The following HIPK3 variants were observed in gnomAD, a reference collection of about 807,000 sequenced individuals.
HIPK3 encodes homeodomain-interacting protein kinase 3.
Under a neutral mutation model 124.2 loss-of-function variants are expected in HIPK3, and 47 were observed. The ratio of observed to expected loss-of-function variants is 0.38; its 90% confidence interval spans 0.30 to 0.48. The LOEUF (loss-of-function observed/expected upper bound fraction) is 0.48, where lower values mean the gene tolerates loss of function less well. Ranked by LOEUF, HIPK3 falls within the 20% of genes least tolerant of loss-of-function variation. HIPK3 has a pLI of 0.98. For missense variants in HIPK3, 1,286 were observed against 1,454.3 expected (o/e 0.88, Z 1.88); for synonymous variants, 482 against 515.2 (o/e 0.94, Z 0.87).
At chr11:33,320,462 A>G (rs774087189) in intron 2 of HIPK3, among the ~76,000 whole-genome samples, 2 of 152,192 alleles carry the variant, frequency 1.3e-5, no homozygotes, top group African/African-American at 2.4e-5. Flanking sequence ...GTGGAGTGAC[A>G]TGGTCTGATT....
chr11:33,271,736 C>G (rs1213587424), intron 1 of HIPK3, among the ~76,000 whole-genome samples: 3 of 152,166 alleles, frequency 2.0e-5, no homozygotes, highest in Non-Finnish European at 4.4e-5. Flanking sequence ...CTGTTAGTTA[C>G]ATATGCAACT....
At chr11:33,273,242 C>T (rs898250034) in intron 1 of HIPK3, among the ~76,000 whole-genome samples, 2 of 152,060 alleles carry the variant, frequency 1.3e-5, no homozygotes, top group South Asian at 2.1e-4. Flanking sequence ...CGGTGGCTTA[C>T]GCCTGTAATC....
chr11:33,340,429 A>AC (rs1853297903), intron 6 of HIPK3, among the ~76,000 whole-genome samples: 1 of 152,256 alleles, frequency 6.6e-6, no homozygotes, highest in South Asian at 2.1e-4. Flanking sequence ...GAAGGGAGTA[A>AC]ATTTAAGTGA....
At chr11:33,284,911 A>G (rs1851508080) in intron 1 of HIPK3, among the ~76,000 whole-genome samples, 1 of 152,188 alleles carries the variant, frequency 6.6e-6, no homozygotes, top group African/African-American at 2.4e-5. Context: ...CACCTGTGTA[A>G]TTATCAGTTT....
intron 2 of HIPK3, among the ~76,000 whole-genome samples, chr11:33,305,970 G>A (rs796608560): frequency 4.6e-5 from 7 of 152,162 alleles, no homozygotes; most frequent in African/African-American, 1.4e-4. Context: ...GGGCTCAAGC[G>A]TTCCTCTTGC....
rs145039614 is a variant in HIPK3, at chr11:33,343,717, G to A, written c.1897+2031G>A. On this transcript the variant is annotated intron_variant, in intron 8 of 16. Coordinates refer to ENST00000303296, the MANE Select transcript of HIPK3 (RefSeq NM_005734.5). ...TAATAAGAGATGTGAAAACAGGTCA[G>A]ATCTTTAGTTACTGTTGTTCTATCG... Among the ~76,000 whole-genome samples, 823 of 152,316 alleles carry A rather than the reference G, an allele frequency of 5.4e-3. 6 individuals are homozygous for A. Among genetic ancestry groups the A allele is most frequent in the Middle Eastern group, 0.017 (5 of 294 alleles).
At chr11:33,271,629 A>G (rs1023699374) in intron 1 of HIPK3, among the ~76,000 whole-genome samples, 3 of 152,198 alleles carry the variant, frequency 2.0e-5, no homozygotes, top group Non-Finnish European at 4.4e-5. Flanking sequence ...TAATCAGTAA[A>G]CTGTAACTAC....
In HIPK3 at chr11:33,323,236, C is replaced by CATTT. The variant is rs552202105; in HGVS notation, c.1098-5257_1098-5254dup. Among the ~76,000 whole-genome samples, 81 of 152,022 alleles carry CATTT rather than the reference C, an allele frequency of 5.3e-4. 1 individual carries two copies. In the South Asian group the frequency reaches 0.014, roughly 26 times the overall value. On this transcript the variant is annotated intron_variant, in intron 2 of 16. Coordinates refer to ENST00000303296, the MANE Select transcript of HIPK3 (RefSeq NM_005734.5). ...ACAAAGACTACGTATTATGGGATTC[C>CATTT]ATTTATTTATTTATTTATTTTTTGA...
At chr11:33,300,286 C>T (rs111612604) in intron 2 of HIPK3, among the ~76,000 whole-genome samples, 3 of 151,374 alleles carry the variant, frequency 2.0e-5, no homozygotes, top group African/African-American at 7.3e-5. Flanking sequence ...GCGGAGGTTG[C>T]GGTGAGCTGA....
intron 1 of HIPK3, among the ~76,000 whole-genome samples, chr11:33,284,829 G>T (rs758627047): frequency 1.3e-5 from 2 of 152,130 alleles, no homozygotes; most frequent in Non-Finnish European, 2.9e-5. Context: ...TGATGATTCT[G>T]TCAAATGGTG....
chr11:33,258,238 C>G (rs962561009), intron 1 of HIPK3: 145 of 833,868 alleles, frequency 1.7e-4, no homozygotes, highest in Non-Finnish European at 2.0e-4. Flanking sequence ...TGCGCAACGG[C>G]TCTTCCCAGC....
chr11:33,341,039 A>G lies in HIPK3; in HGVS notation c.1685A>G (p.Asn562Ser), dbSNP rs773867918. The G allele has an allele frequency of 3.7e-6, 6 of 1,610,902 alleles. No homozygotes were observed. The highest frequency in any genetic ancestry group is 5.1e-6 in the Non-Finnish European group (6 of 1,177,546). The change falls in exon 7 of 17, where the codon AAC (asparagine) becomes AGC (serine). Residue 562 changes from asparagine (N) to serine (S), a missense_variant. This residue lies in a region of HIPK3 where 810 missense variants were observed against 864.9 expected (regional missense o/e 0.94). Transcript: ENST00000303296. ...AATTCATGTGACACAAATAATCACA[A>G]CAAAACTTCACTTTTAAGACCAGTT... is the stretch of plus-strand genomic sequence containing the variant. ...HLNSCDTNNHNKTSLLRPVAS... is the reference protein window; with the variant it reads ...HLNSCDTNNHSKTSLLRPVAS...
intron 2 of HIPK3, among the ~76,000 whole-genome samples, chr11:33,320,188 A>T (rs781219358): frequency 5.3e-5 from 8 of 152,220 alleles, no homozygotes; most frequent in Non-Finnish European, 1.0e-4. Flanking sequence ...CTTGTAGGCC[A>T]TTGTGAGGAA....
chr11:33,322,404 A>G (rs906657083), intron 2 of HIPK3, among the ~76,000 whole-genome samples: 1 of 152,254 alleles, frequency 6.6e-6, no homozygotes, highest in Non-Finnish European at 1.5e-5. Flanking sequence ...GATTGCCAGT[A>G]TATGAGCAAG....
intron 2 of HIPK3, among the ~76,000 whole-genome samples, chr11:33,327,148 A>G (rs1852834635): frequency 6.6e-6 from 1 of 152,208 alleles, no homozygotes; most frequent in South Asian, 2.1e-4. Flanking sequence ...CCCACAAAAT[A>G]CTTAATTAGA....
rs1239894661 is a variant in HIPK3, at chr11:33,286,866, C to A, written c.452C>A (p.Pro151His). 1.2e-6 allele frequency: 2 copies of A among 1,614,116 alleles called. No individual in the cohort carries two copies. Among genetic ancestry groups the A allele is most frequent in the Admixed American group, 1.7e-5 (1 of 60,014 alleles). Residue 151 changes from proline to histidine, a missense_variant, in exon 2 of 17, where the codon CCT (proline) becomes CAT (histidine). Pro to His is a moderately conservative substitution (Grantham distance 77). Coordinates refer to ENST00000303296, the MANE Select transcript of HIPK3 (RefSeq NM_005734.5). ...ATTGTCGATGAATTGTCCATACTTC[C>A]TGCAATGTTGCAAACCAACATGGGA... ...MQIVDELSIL[P>H]AMLQTNMGNP...
intron 2 of HIPK3, among the ~76,000 whole-genome samples, chr11:33,304,092 C>T (rs138852410): frequency 4.1e-4 from 62 of 152,054 alleles, no homozygotes; most frequent in African/African-American, 8.0e-4. Flanking sequence ...AGGCGTGCAC[C>T]AGCACGTCCA....
chr11:33,267,716 T>TC (rs1407729347), intron 1 of HIPK3, among the ~76,000 whole-genome samples: 1 of 150,386 alleles, frequency 6.6e-6, no homozygotes, highest in Admixed American at 6.7e-5. Flanking sequence ...CCGGCTGGTC[T>TC]CCATCTCCTG....
At chr11:33,317,453 G>C (rs1852538824) in intron 2 of HIPK3, among the ~76,000 whole-genome samples, 1 of 151,790 alleles carries the variant, frequency 6.6e-6, no homozygotes, top group Non-Finnish European at 1.5e-5. Flanking sequence ...GTTTTGTAGA[G>C]ACGGAGTCTC....
Sources: gnomAD v4.1 joint callset for allele counts (sites outside exome capture counted in the v4.1 genomes callset) on GRCh38, gnomAD v4.1.1 for gene constraint, gnomAD v4.1.1 regional missense constraint, MANE v1.5 for transcripts, NCBI Gene and HGNC (gene_info 2026-07-23, HGNC 2026-07-21) for gene names.